Variants in PCDH10 observed in about 807,000 individuals in gnomAD.
PCDH10 encodes the protein protocadherin-10.
In PCDH10, 15 loss-of-function variants were observed where a neutral mutation model predicts 74.4. The ratio of observed to expected loss-of-function variants is 0.20; its 90% CI spans 0.13 to 0.31. The LOEUF is 0.31. Ranked by LOEUF, PCDH10 falls within the 10% of genes least tolerant of loss-of-function variation. PCDH10 has a pLI of 1.00. For synonymous variants in PCDH10, 619 were observed against 589.8 expected, an observed-to-expected ratio of 1.05 and a Z score of -0.72; for missense variants, 1,260 against 1,390.2, an observed-to-expected ratio of 0.91 and a Z score of 1.49.
chr4:133,193,252 TATA>T lies in PCDH10; in HGVS notation c.*3096_*3098del, dbSNP rs1727718827. 1 of 151,746 alleles carries T rather than the reference TATA, an allele frequency of 6.6e-6. No individual in the cohort carries two copies. The highest frequency in any genetic ancestry group is 2.1e-4 in the South Asian group (1 of 4,836). The allele number at this position is 151,746 out of a possible 1,614,324, so 9.4% of individuals were successfully genotyped here. On this transcript the variant is annotated 3_prime_UTR_variant, in exon 5 of 5. Transcript: ENST00000264360. ...TATCACATCAGAATTACTTCACAGATATAATAGCGTCAATGATATATGTATCAT... is the reference window on the plus strand; with the variant it reads ...TATCACATCAGAATTACTTCACAGATATAGCGTCAATGATATATGTATCAT...
rs1360543218 is a variant in PCDH10, at chr4:133,149,520, CAAG to C, written c.-615_-613del. 4 of 152,438 alleles carry C rather than the reference CAAG, an allele frequency of 2.6e-5. No homozygotes were observed. In the East Asian group the frequency reaches 7.7e-4, roughly 29 times the overall value. 9.4% of individuals were successfully genotyped at this position (152,438 alleles called of 1,614,324 possible). On this transcript the variant is annotated 5_prime_UTR_variant, in exon 1 of 5. Transcript: ENST00000264360. ...ATAGAGCGAAAGAGGAAAAAAATGT[CAAG>C]AAGAACATCCATCCGGAGAAATGAA...
intron 4 of PCDH10, among the ~76,000 whole-genome samples, chr4:133,164,878 T>C (rs1462245195): frequency 6.6e-6 from 1 of 150,384 alleles, no homozygotes; most frequent in African/African-American, 2.4e-5. Flanking sequence ...TGTGTGTTGC[T>C]AAAAATCAAA....
chr4:133,151,648 T>G lies in PCDH10; in HGVS notation c.1508T>G (p.Leu503Arg). The G allele has an allele frequency of 6.2e-7, 1 of 1,613,762 alleles. No homozygotes were observed. Among genetic ancestry groups the G allele is most frequent in the South Asian group, 1.1e-5 (1 of 91,086 alleles). The change falls in exon 1 of 5, where the codon CTC (leucine) becomes CGC (arginine). Residue 503 changes from leucine (L) to arginine (R), a missense_variant. By Grantham distance (102) the Leu-to-Arg change is moderately radical. Around this residue, in one of 11 missense-constraint regions of PCDH10, gnomAD observed 587 missense variants for 616.9 expected, o/e 0.95. Coordinates refer to ENST00000264360, the MANE Select transcript of PCDH10 (RefSeq NM_032961.3). ...AACGCCCAGCTTGCCTACTCTATCC[T>G]CGAGTGCCAGATCCAGGGCATGAGC... ...GANAQLAYSI[L>R]ECQIQGMSVF...
chr4:133,194,329 CAT>C lies in PCDH10; in HGVS notation c.*4170_*4171del, dbSNP rs1299554786. 1 of 151,826 alleles carries C rather than the reference CAT, an allele frequency of 6.6e-6. No homozygotes were observed. Among genetic ancestry groups the C allele is most frequent in the Admixed American group, 6.6e-5 (1 of 15,208 alleles). The allele number at this position is 151,826 out of a possible 1,614,324, so 9.4% of individuals were successfully genotyped here. A position where few individuals can be genotyped will look rare whatever the true frequency, so the allele number is the denominator to read the frequency against. On this transcript the variant is annotated 3_prime_UTR_variant, in exon 5 of 5. Transcript: ENST00000264360. ...ATCATTCAAAAAATACTAAATTTCA[CAT>C]GAGACTCAAAAATTTCTGAATGATG...
intron 2 of PCDH10, among the ~76,000 whole-genome samples, chr4:133,200,371 C>CT (rs888269378): frequency 2.9e-4 from 44 of 149,676 alleles, no homozygotes; most frequent in African/African-American, 7.1e-4. Flanking sequence ...CATTTTTTTT[C>CT]TTTTTTTTTG....
rs1271358886 is a variant in PCDH10 at position 133,151,719 on chromosome 4, G to A, written c.1579G>A (p.Ala527Thr). 2 of 1,613,204 alleles carry A rather than the reference G, an allele frequency of 1.2e-6. No homozygotes were observed. Among genetic ancestry groups the A allele is most frequent in the Non-Finnish European group, 1.7e-6 (2 of 1,180,048 alleles). Residue 527 changes from alanine (A) to threonine (T), a missense_variant, in exon 1 of 5, where the codon GCC (alanine) becomes ACC (threonine). By Grantham distance (58) the Ala-to-Thr change is moderately conservative. This residue lies in a region of PCDH10 where 587 missense variants were observed against 616.9 expected (regional missense o/e 0.95). Coordinates refer to ENST00000264360, the MANE Select transcript of PCDH10 (RefSeq NM_032961.3). ...CAACTCTGAGAACGGCTACTTGTAC[G>A]CCCTGCGCTCCTTCGACTATGAGCA... ...SINSENGYLY[A>T]LRSFDYEQLK... is the part of the protein sequence containing the mutation.
At chr4:133,157,638 A>T (rs1462394513) in intron 3 of PCDH10, among the ~76,000 whole-genome samples, 3 of 152,198 alleles carry the variant, frequency 2.0e-5, no homozygotes, top group Non-Finnish European at 2.9e-5. Context: ...TCTCTCTTTC[A>T]GTTTGTACCA....
chr4:133,201,877 A>G (rs894404635), intron 2 of PCDH10, among the ~76,000 whole-genome samples: 2 of 149,530 alleles, frequency 1.3e-5, no homozygotes, highest in African/African-American at 4.9e-5. Flanking sequence ...AAAAAAAAAA[A>G]GGAATTGTGC....
chr4:133,171,865 T>C (rs771639354), intron 4 of PCDH10, among the ~76,000 whole-genome samples: 8 of 152,102 alleles, frequency 5.3e-5, no homozygotes, highest in Non-Finnish European at 1.2e-4. Context: ...ATTTTAGGTC[T>C]ATTTTCTTTA....
intron 2 of PCDH10, among the ~76,000 whole-genome samples, chr4:133,201,480 A>G (rs1373280757): frequency 6.6e-6 from 1 of 152,054 alleles, no homozygotes; most frequent in Admixed American, 6.5e-5. Context: ...AGAGGAAACA[A>G]CCTCCCACTA....
Position 133,193,031 on chromosome 4 carries a change from C to T in PCDH10, c.*2871C>T, listed in dbSNP as rs149256692. The T allele has an allele frequency of 4.6e-5, 7 of 151,272 alleles. No homozygotes were observed. The highest frequency in any genetic ancestry group is 1.7e-4 in the African/African-American group (7 of 41,258). The allele number at this position is 151,272 out of a possible 1,614,324, so 9.4% of individuals were successfully genotyped here. A position where few individuals can be genotyped will look rare whatever the true frequency, so the allele number is the denominator to read the frequency against. On this transcript the variant is annotated 3_prime_UTR_variant, in exon 5 of 5. Coordinates refer to ENST00000264360, the MANE Select transcript of PCDH10 (RefSeq NM_032961.3). ...AATAAATTATTTCAGAAAAAAAAAT[C>T]ATGTCATTTACTCCTTGTTAACATG...
intron 4 of PCDH10, among the ~76,000 whole-genome samples, chr4:133,188,791 A>C (rs1441778538): frequency 6.7e-6 from 1 of 148,428 alleles, no homozygotes; most frequent in Non-Finnish European, 1.5e-5. Flanking sequence ...CTTCTGCCTC[A>C]GCCTCCCAAG....
chr4:133,157,394 T>C (rs1385424492), intron 3 of PCDH10, among the ~76,000 whole-genome samples: 1 of 152,202 alleles, frequency 6.6e-6, no homozygotes, highest in Non-Finnish European at 1.5e-5. Context: ...CTAGACTATT[T>C]CCAAAAATTT....
Position 133,194,349 on chromosome 4 carries a change from G to C in PCDH10, c.*4189G>C, listed in dbSNP as rs1727747478. ...TTTCACATGAGACTCAAAAATTTCT[G>C]AATGATGGAACTCAGACTTCCAATA... On this transcript the variant is annotated 3_prime_UTR_variant, in exon 5 of 5. Coordinates refer to ENST00000264360, the MANE Select transcript of PCDH10 (RefSeq NM_032961.3). 1 of 151,810 alleles carries C rather than the reference G, an allele frequency of 6.6e-6. No individual in the cohort carries two copies. The highest frequency in any genetic ancestry group is 6.6e-5 in the Admixed American group (1 of 15,204). 9.4% of individuals were successfully genotyped at this position (151,810 alleles called of 1,614,324 possible). A position where few individuals can be genotyped will look rare whatever the true frequency, so the allele number is the denominator to read the frequency against.
At chr4:133,180,494 T>G (rs969955660) in intron 4 of PCDH10, among the ~76,000 whole-genome samples, 22 of 152,130 alleles carry the variant, frequency 1.4e-4, no homozygotes, top group African/African-American at 5.3e-4. Context: ...TGCTATTTTT[T>G]TAATATCATG....
At chr4:133,156,642 T>C (rs1233880834) in intron 3 of PCDH10, among the ~76,000 whole-genome samples, 2 of 152,258 alleles carry the variant, frequency 1.3e-5, no homozygotes. Flanking sequence ...TAAAACAAAA[T>C]GTTTAATGTT....
rs754982520 is a variant in PCDH10 at position 133,151,034 on chromosome 4, G to A, written c.894G>A (p.Arg298=). 2 of 1,613,874 alleles carry A rather than the reference G, an allele frequency of 1.2e-6. No homozygotes were observed. Among genetic ancestry groups the A allele is most frequent in the Non-Finnish European group, 1.7e-6 (2 of 1,180,020 alleles). The part of the protein sequence containing the change: ...SFSSHISPRA[R]ELFGLSPRTG... ...GCAGCCACATTTCGCCCCGGGCGCG[G>A]GAGCTTTTCGGACTCTCGCCGCGCA... is the stretch of plus-strand genomic sequence containing the variant. The change falls in exon 1 of 5, where the codon CGG becomes CGA. Residue 298 remains arginine, a synonymous_variant. Coordinates refer to ENST00000264360, the MANE Select transcript of PCDH10 (RefSeq NM_032961.3).
intron 3 of PCDH10, 136 bp downstream of exon 3, chr4:133,155,159 T>C (rs2125860318): frequency 1.5e-6 from 1 of 663,398 alleles, no homozygotes; most frequent in East Asian, 2.7e-5. Context: ...ATAGTGTCAC[T>C]CTACTTTGAT....
chr4:133,151,646 C>T lies in PCDH10; in HGVS notation c.1506C>T (p.Ile502=), dbSNP rs1726699107. Residue 502 remains isoleucine (I), a synonymous_variant, in exon 1 of 5, where the codon ATC becomes ATT. Transcript: ENST00000264360. ...CCAACGCCCAGCTTGCCTACTCTAT[C>T]CTCGAGTGCCAGATCCAGGGCATGA... ...EGANAQLAYS[I]LECQIQGMSV... is the part of the protein sequence containing the mutation. The T allele has an allele frequency of 2.5e-6, 4 of 1,613,826 alleles. No individual in the cohort carries two copies. The highest frequency in any genetic ancestry group is 3.4e-6 in the Non-Finnish European group (4 of 1,180,056).
Sources: gnomAD v4.1 joint callset for allele counts (sites outside exome capture counted in the v4.1 genomes callset) on GRCh38, gnomAD v4.1.1 for gene constraint, gnomAD v4.1.1 regional missense constraint, MANE v1.5 for transcripts, NCBI Gene and HGNC (gene_info 2026-07-23, HGNC 2026-07-21) for gene names.